NEGR1: variants seen among roughly 807,000 people sequenced by gnomAD.
NEGR1 encodes the protein neuronal growth regulator 1.
A neutral mutation model predicts 40.9 loss-of-function variants in NEGR1; 10 were observed. The observed-to-expected ratio is 0.24, with a 90% CI of 0.15 to 0.42. NEGR1 has a LOEUF of 0.42. Ranked by LOEUF, NEGR1 falls within the 10% of genes least tolerant of loss-of-function variation. The pLI is 1.00. For synonymous variants in NEGR1, 185 were observed against 166.8 expected (o/e 1.11, Z -0.84); for missense variants, 352 against 438.9 (o/e 0.80, Z 1.77).
At chr1:71,996,865 T>A (rs142875334) in intron 1 of NEGR1, among the ~76,000 whole-genome samples, 2 of 152,108 alleles carry the variant, frequency 1.3e-5, no homozygotes, top group Admixed American at 1.3e-4. Flanking sequence ...GATCTCTCAA[T>A]TGACCTTTTC....
intron 2 of NEGR1, among the ~76,000 whole-genome samples, chr1:71,862,495 TGAG>T (rs1343137126): frequency 2.0e-5 from 3 of 152,118 alleles, no homozygotes; most frequent in African/African-American, 7.2e-5. Flanking sequence ...AATTGCTTCC[TGAG>T]GTAAATCTTG....
intron 2 of NEGR1, among the ~76,000 whole-genome samples, chr1:71,872,970 T>C (rs1660321047): frequency 6.6e-6 from 1 of 152,064 alleles, no homozygotes; most frequent in African/African-American, 2.4e-5. Flanking sequence ...ACACTACCCT[T>C]AGACTTAACC....
At chr1:72,272,830 T>C (rs1655890353) in intron 1 of NEGR1, among the ~76,000 whole-genome samples, 1 of 152,018 alleles carries the variant, frequency 6.6e-6, no homozygotes, top group Non-Finnish European at 1.5e-5. Flanking sequence ...AAAAGGGTTA[T>C]AAGCATCTTC....
chr1:71,807,520 A>C (rs1425834421), intron 2 of NEGR1, among the ~76,000 whole-genome samples: 2 of 152,332 alleles, frequency 1.3e-5, no homozygotes, highest in African/African-American at 2.4e-5. Flanking sequence ...CTAATGATTT[A>C]ATGAATTCCT....
At chr1:71,908,440 T>A (rs1258770237) in intron 2 of NEGR1, among the ~76,000 whole-genome samples, 5 of 151,446 alleles carry the variant, frequency 3.3e-5, no homozygotes, top group African/African-American at 4.9e-5. Context: ...AACAGAAGAG[T>A]AGGAAAGGCA....
chr1:71,595,021 A>T (rs988104601), intron 5 of NEGR1, among the ~76,000 whole-genome samples: 1 of 152,226 alleles, frequency 6.6e-6, no homozygotes, highest in Admixed American at 6.5e-5. Context: ...CAGACACTCC[A>T]TGGCACTATA....
chr1:72,169,963 A>G (rs1312241126), intron 1 of NEGR1, among the ~76,000 whole-genome samples: 1 of 152,190 alleles, frequency 6.6e-6, no homozygotes, highest in East Asian at 1.9e-4. Context: ...CATTAATACC[A>G]GTTTTGGGAG....
At chr1:71,624,812 T>G (rs563025927) in intron 4 of NEGR1, among the ~76,000 whole-genome samples, 13 of 151,938 alleles carry the variant, frequency 8.6e-5, no homozygotes, top group Non-Finnish European at 7.4e-5. Context: ...TCTCAAATTC[T>G]TTCCTTCTTA....
At chr1:71,874,477 C>T (rs1233824067) in intron 2 of NEGR1, among the ~76,000 whole-genome samples, 1 of 152,158 alleles carries the variant, frequency 6.6e-6, no homozygotes, top group African/African-American at 2.4e-5. Flanking sequence ...TCTCTATCTT[C>T]TTCAACTGCA....
At chr1:72,024,319 G>GTTTGAGCAAGAGATGT (rs911698026) in intron 1 of NEGR1, among the ~76,000 whole-genome samples, 1 of 151,024 alleles carries the variant, frequency 6.6e-6, no homozygotes, top group African/African-American at 2.4e-5. Context: ...TTTTTTCTTA[G>GTTTGAGCAAGAGATGT]TTTGAGCAAG....
chr1:71,993,152 T>A (rs1018010084), intron 1 of NEGR1, among the ~76,000 whole-genome samples: 1 of 152,202 alleles, frequency 6.6e-6, no homozygotes, highest in Non-Finnish European at 1.5e-5. Flanking sequence ...CTTTGACAAT[T>A]CATATTCTTC....
chr1:71,962,805 T>G (rs980258150), intron 1 of NEGR1, among the ~76,000 whole-genome samples: 1 of 151,800 alleles, frequency 6.6e-6, no homozygotes, highest in Admixed American at 6.6e-5. Flanking sequence ...TCTTTTGTTC[T>G]TCATCTCAAC....
intron 3 of NEGR1, among the ~76,000 whole-genome samples, chr1:71,705,256 C>A (rs1274058154): frequency 6.6e-6 from 1 of 152,006 alleles, no homozygotes; most frequent in Non-Finnish European, 1.5e-5. Context: ...CAATATGCAT[C>A]ATTGACTTAA....
chr1:71,640,227 A>G (rs1277762713), intron 4 of NEGR1, among the ~76,000 whole-genome samples: 1 of 152,064 alleles, frequency 6.6e-6, no homozygotes, highest in Non-Finnish European at 1.5e-5. Flanking sequence ...GTGTGGCCAC[A>G]CTGCTGTAAC....
intron 1 of NEGR1, among the ~76,000 whole-genome samples, chr1:72,110,797 G>A (rs1042923172): frequency 2.0e-5 from 3 of 151,054 alleles, no homozygotes; most frequent in African/African-American, 7.3e-5. Flanking sequence ...ACTTTTTCTG[G>A]TCATTTTTAC....
chr1:71,606,262 G>A (rs891892239), intron 5 of NEGR1, among the ~76,000 whole-genome samples: 7 of 152,258 alleles, frequency 4.6e-5, no homozygotes, highest in South Asian at 2.1e-4. Flanking sequence ...TGACATCCAC[G>A]TGGCAATTAA....
intron 1 of NEGR1, among the ~76,000 whole-genome samples, chr1:72,248,962 C>T (rs921047678): frequency 6.6e-6 from 1 of 152,142 alleles, no homozygotes; most frequent in African/African-American, 2.4e-5. Context: ...GACTTGATTG[C>T]TACTCCATTA....
chr1:71,698,789 T>C (rs1557618090), intron 3 of NEGR1, among the ~76,000 whole-genome samples: 1 of 151,882 alleles, frequency 6.6e-6, no homozygotes, highest in East Asian at 1.9e-4. Context: ...TTTTTAAATA[T>C]GCATGGGAAA....
At chr1:71,659,808 C>A (rs1332436592) in intron 4 of NEGR1, among the ~76,000 whole-genome samples, 1 of 151,964 alleles carries the variant, frequency 6.6e-6, no homozygotes, top group Non-Finnish European at 1.5e-5. Context: ...TGGCTATTAT[C>A]AAAAAGTTAA....
Sources: allele counts gnomAD v4.1 joint callset (sites outside exome capture counted in the v4.1 genomes callset), GRCh38; gene constraint gnomAD v4.1.1; transcripts MANE v1.5; gene names NCBI Gene and HGNC (gene_info 2026-07-23, HGNC 2026-07-21).